Variants in SAMD4B observed in about 807,000 individuals in gnomAD.
SAMD4B encodes the protein sterile alpha motif domain containing 4B.
In SAMD4B, 5 loss-of-function variants were observed where a neutral mutation model predicts 74.5. The observed-to-expected ratio is 0.07, with a 90% CI of 0.04 to 0.14. SAMD4B has a LOEUF of 0.14. Among genes scored for constraint, SAMD4B ranks in the 10% least tolerant of loss-of-function variants. The pLI is 1.00. For synonymous variants in SAMD4B, 373 were observed against 374.9 expected, an observed-to-expected ratio of 1.00 and a Z score of 0.06; for missense variants, 608 against 921.8, an observed-to-expected ratio of 0.66 and a Z score of 4.41.
At chr19:39,379,888 C>T in intron 9 of SAMD4B, 78 bp from the exon 10 acceptor site, 5 of 1,247,144 alleles carry the variant, frequency 4.0e-6, no homozygotes, top group Non-Finnish European at 5.7e-6. Flanking sequence ...AATATTTGAA[C>T]AAATGAATGG....
chr19:39,366,836 A>G (rs1034576398), intron 3 of SAMD4B, among the ~76,000 whole-genome samples: 1 of 152,144 alleles, frequency 6.6e-6, no homozygotes, highest in African/African-American at 2.4e-5. Context: ...TTGGGTTGAA[A>G]GACCCTCAGA....
At chr19:39,364,884 G>C (rs988373505) in intron 3 of SAMD4B, among the ~76,000 whole-genome samples, 9 of 152,196 alleles carry the variant, frequency 5.9e-5, no homozygotes, top group African/African-American at 2.2e-4. Context: ...TGCTGAAGGG[G>C]ATCTGGAAAT....
In SAMD4B at chr19:39,356,670, C is replaced by T; in HGVS notation, c.-205-19C>T. On this transcript the variant is annotated intron_variant, in intron 2 of 13. Coordinates refer to ENST00000610417, the MANE Select transcript of SAMD4B (RefSeq NM_001384574.2). ...TTCAGCCCCTTCTTTCTGTTTGACCCCTTTGCTTCCTTTTTCAGGAAACTG... is the reference window on the plus strand; with the variant it reads ...TTCAGCCCCTTCTTTCTGTTTGACCTCTTTGCTTCCTTTTTCAGGAAACTG... The T allele has an allele frequency of 2.1e-6, 1 of 472,220 alleles. No individual in the cohort carries two copies. The highest frequency in any genetic ancestry group is 3.4e-5 in the East Asian group (1 of 29,416). 29.3% of individuals were successfully genotyped at this position (472,220 alleles called of 1,614,324 possible). A position where few individuals can be genotyped will look rare whatever the true frequency, so the allele number is the denominator to read the frequency against.
chr19:39,373,197 A>G (rs1451859198), intron 4 of SAMD4B, among the ~76,000 whole-genome samples: 1 of 152,144 alleles, frequency 6.6e-6, no homozygotes, highest in Non-Finnish European at 1.5e-5. Flanking sequence ...AAAGGGCTTC[A>G]GCTCCCTGGG....
chr19:39,348,596 A>G (rs1206849476), intron 1 of SAMD4B, among the ~76,000 whole-genome samples: 1 of 152,248 alleles, frequency 6.6e-6, no homozygotes, highest in Non-Finnish European at 1.5e-5. Flanking sequence ...TAAGGGCCAC[A>G]GTAAGGAGTT....
chr19:39,353,383 CT>C (rs1485885065), intron 1 of SAMD4B, among the ~76,000 whole-genome samples: 1 of 152,020 alleles, frequency 6.6e-6, no homozygotes, highest in Non-Finnish European at 1.5e-5. Flanking sequence ...AATAATCCCC[CT>C]GTTTCTCCAA....
chr19:39,350,802 G>A (rs1012527032), intron 1 of SAMD4B: 2 of 152,114 alleles, frequency 1.3e-5, no homozygotes, highest in African/African-American at 4.8e-5. Context: ...CTCCAGGTGG[G>A]AGTGCAGTGG....
chr19:39,382,398 T>G (rs2078048889), intron 12 of SAMD4B, among the ~76,000 whole-genome samples: 1 of 152,148 alleles, frequency 6.6e-6, no homozygotes, highest in South Asian at 2.1e-4. Flanking sequence ...TATTCATCAG[T>G]CAGCAATCTG....
intron 4 of SAMD4B, among the ~76,000 whole-genome samples, chr19:39,373,533 A>AG (rs149234024): frequency 0.061 from 9,270 of 152,094 alleles, 450 homozygotes; most frequent in African/African-American, 0.13. Context: ...GCAGCAGCAG[A>AG]GGGGTACATG....
Position 39,380,466 on chromosome 19 carries a change from A to C in SAMD4B, c.1650-121A>C, listed in dbSNP as rs1287951867. Reference sequence around the variant, plus strand: ...GTACCCTTGGGGCAGATGAGGACAGAATGTGTGATGGAGGTTTATGTTCTC... The same window carrying C: ...GTACCCTTGGGGCAGATGAGGACAGCATGTGTGATGGAGGTTTATGTTCTC... On this transcript the variant is annotated intron_variant, in intron 10 of 13. Transcript: ENST00000610417. The C allele has an allele frequency of 4.7e-6, 5 of 1,058,258 alleles. No individual in the cohort carries two copies. The African/African-American group carries it at 7.7e-5, about 16-fold the overall frequency. The allele number at this position is 1,058,258 out of a possible 1,614,324, so 65.6% of individuals were successfully genotyped here. A position where few individuals can be genotyped will look rare whatever the true frequency, so the allele number is the denominator to read the frequency against.
downstream of SAMD4B, chr19:39,389,913 T>A: frequency 1.8e-6 from 2 of 1,134,906 alleles, no homozygotes; most frequent in East Asian, 4.7e-5. This position sits in a 1 kb window ranked among gnomAD's most constrained non-coding sequence, Gnocchi z 5.3. Flanking sequence ...GGGAAGGGAC[T>A]TGGACACTGC....
intron 1 of SAMD4B, among the ~76,000 whole-genome samples, chr19:39,347,529 G>A (rs1327973258): frequency 6.6e-6 from 1 of 152,146 alleles, no homozygotes; most frequent in East Asian, 1.9e-4. Context: ...TCTAGAGAGA[G>A]CTTGTGGCTG....
At position 39,380,004 on chromosome 19, in the gene SAMD4B, G is replaced by C. The variant is rs2077859510; in HGVS notation, c.1569G>C (p.Trp523Cys). The C allele has an allele frequency of 6.2e-7, 1 of 1,614,056 alleles. No individual in the cohort carries two copies. Among genetic ancestry groups the C allele is most frequent in the Non-Finnish European group, 8.5e-7 (1 of 1,179,984 alleles). ...CGCAGAAGAAACGGCTGCTATCCTG[G>C]AAACAGCAAGTGCTGAAGCTCCTCC... ...TETQKKRLLS[W>C]KQQVLKLLRT... The change falls in exon 10 of 14, where the codon TGG becomes TGC. Residue 523 changes from tryptophan (W) to cysteine (C), a missense_variant. Physicochemically the swap from Trp to Cys is radical, Grantham distance 215. Around this residue, in one of 9 missense-constraint regions of SAMD4B, gnomAD observed 27 missense variants for 48.6 expected, o/e 0.56. Coordinates refer to ENST00000610417, the MANE Select transcript of SAMD4B (RefSeq NM_001384574.2).
At position 39,384,219 on chromosome 19, in the gene SAMD4B, A is replaced by AT. The variant is rs2078170136; in HGVS notation, c.*693dup. The AT allele has an allele frequency of 6.5e-6, 1 of 153,786 alleles. No individual in the cohort carries two copies. Among genetic ancestry groups the AT allele is most frequent in the African/African-American group, 2.4e-5 (1 of 41,446 alleles). 9.5% of individuals were successfully genotyped at this position (153,786 alleles called of 1,614,324 possible). On this transcript the variant is annotated 3_prime_UTR_variant, in exon 14 of 14. Coordinates refer to ENST00000610417, the MANE Select transcript of SAMD4B (RefSeq NM_001384574.2). ...CTGATCATTTCCTCTCATTTTTAGAATCCCCAGGTCTCTCTCAGCCAAGAC... is the reference window on the plus strand; with the variant it reads ...CTGATCATTTCCTCTCATTTTTAGAATTCCCCAGGTCTCTCTCAGCCAAGAC...
chr19:39,365,102 C>T (rs1375680268), intron 3 of SAMD4B, among the ~76,000 whole-genome samples: 3 of 151,632 alleles, frequency 2.0e-5, no homozygotes, highest in Non-Finnish European at 1.5e-5. Flanking sequence ...ATAAATTAGC[C>T]GGGTGTGGTG....
At chr19:39,347,938 A>G (rs2075799531) in intron 1 of SAMD4B, among the ~76,000 whole-genome samples, 2 of 152,200 alleles carry the variant, frequency 1.3e-5, no homozygotes, top group Non-Finnish European at 2.9e-5. Flanking sequence ...GGGGGAGGAA[A>G]CAAAAAAATC....
At position 39,376,551 on chromosome 19, in the gene SAMD4B, A is replaced by C. The variant is rs753231963; in HGVS notation, c.1017+5A>C. 1 of 1,610,328 alleles carries C rather than the reference A, an allele frequency of 6.2e-7. No individual in the cohort carries two copies. Among genetic ancestry groups the C allele is most frequent in the Admixed American group, 1.7e-5 (1 of 60,012 alleles). ...GAGCAGCACCTGGAGTCTCAGGTGA[A>C]GCCAAGGGGACCATCAGGGAGGTGC... is the stretch of plus-strand genomic sequence containing the variant. On this transcript the variant is annotated splice_donor_5th_base_variant and intron_variant, in intron 6 of 13. Transcript: ENST00000610417.
Position 39,383,462 on chromosome 19 carries a change from T to G in SAMD4B, c.2057-37T>G, listed in dbSNP as rs756296467. ...GCCTTTTCTTGGGCCTCCCTCCAGC[T>G]CCTGATCTTCCTCCCTTCCTCCCTT... is the stretch of plus-strand genomic sequence containing the variant. On this transcript the variant is annotated intron_variant, in intron 13 of 13. Coordinates refer to ENST00000610417, the MANE Select transcript of SAMD4B (RefSeq NM_001384574.2). This position sits in a 1 kb window ranked among gnomAD's most constrained non-coding sequence, Gnocchi z 4.1. 1.2e-6 allele frequency: 2 copies of G among 1,610,400 alleles called. No individual in the cohort carries two copies. Among genetic ancestry groups the G allele is most frequent in the South Asian group, 2.2e-5 (2 of 90,992 alleles).
At chr19:39,365,192 G>A (rs1226523566) in intron 3 of SAMD4B, among the ~76,000 whole-genome samples, 5 of 147,926 alleles carry the variant, frequency 3.4e-5, no homozygotes, top group African/African-American at 1.3e-4. Context: ...CTTGCAGTGA[G>A]CCGAGATCGT....
Sources: allele counts gnomAD v4.1 joint callset (sites outside exome capture counted in the v4.1 genomes callset), GRCh38; gene constraint gnomAD v4.1.1; regional missense constraint gnomAD v4.1.1; non-coding constraint Gnocchi (gnomAD v3.1); transcripts MANE v1.5; gene names NCBI Gene and HGNC (gene_info 2026-07-23, HGNC 2026-07-21).